The following GYG1 variants were observed in gnomAD, a reference collection of about 807,000 sequenced individuals.
GYG1 encodes the protein glycogenin 1, also known as glycogenin-1.
Under a neutral mutation model 41.9 loss-of-function variants are expected in GYG1, and 44 were observed. The observed-to-expected ratio is 1.05, with a 90% CI of 0.83 to 1.35. GYG1 has a LOEUF of 1.35. Ranked by LOEUF, GYG1 falls within the 40% of genes most tolerant of loss-of-function variation. The probability of loss-of-function intolerance (pLI) is 0.00; values close to 1 mark genes in which losing one functional copy is unlikely to be tolerated. For synonymous variants in GYG1, 141 were observed against 158.1 expected, an observed-to-expected ratio of 0.89 and a Z score of 0.81; for missense variants, 429 against 418.9, an observed-to-expected ratio of 1.02 and a Z score of -0.21.
At chr3:148,993,919 A>G (rs1302097299) in intron 1 of GYG1, among the ~76,000 whole-genome samples, 1 of 152,234 alleles carries the variant, frequency 6.6e-6, no homozygotes, top group South Asian at 2.1e-4. Context: ...TCTATAGCTT[A>G]ATCAACCTGT....
chr3:149,016,882 T>G (rs1159210631), intron 5 of GYG1, among the ~76,000 whole-genome samples: 1 of 152,154 alleles, frequency 6.6e-6, no homozygotes, highest in Non-Finnish European at 1.5e-5. Flanking sequence ...TCTGAGAAGG[T>G]GCATGAGTGA....
chr3:149,009,384 A>G lies in GYG1; in HGVS notation c.590A>G (p.Tyr197Cys), dbSNP rs1216767993. Reference protein sequence around the residue: ...YNLSSISIYSYLPAFKVFGAS... With the variant: ...YNLSSISIYSCLPAFKVFGAS... ...CTAAGCAGCATCTCTATATACTCCT[A>G]CCTCCCGGCATTTAAAGTGTAAGTG... Residue 197 changes from tyrosine (Y) to cysteine (C), a missense_variant, in exon 5 of 8, where the codon TAC becomes TGC. Tyr to Cys is a radical substitution (Grantham distance 194). Transcript: ENST00000345003. 7 of 1,613,394 alleles carry G rather than the reference A, an allele frequency of 4.3e-6. No homozygotes were observed. Among genetic ancestry groups the G allele is most frequent in the Non-Finnish European group, 5.9e-6 (7 of 1,179,438 alleles).
At chr3:149,015,761 G>A (rs1713987298) in intron 5 of GYG1, among the ~76,000 whole-genome samples, 1 of 152,164 alleles carries the variant, frequency 6.6e-6, no homozygotes, top group East Asian at 1.9e-4. Context: ...TAATGGGGTG[G>A]CAGCTGGATG....
chr3:149,015,884 CTG>C (rs971538951), intron 5 of GYG1, among the ~76,000 whole-genome samples: 2 of 152,020 alleles, frequency 1.3e-5, no homozygotes, highest in African/African-American at 4.8e-5. Context: ...ATGCAGAAAA[CTG>C]TGGGGAGATG....
chr3:149,002,132 A>T (rs1713125318), intron 4 of GYG1, among the ~76,000 whole-genome samples: 1 of 152,204 alleles, frequency 6.6e-6, no homozygotes, highest in Non-Finnish European at 1.5e-5. Context: ...ATATTTCTGT[A>T]GTAGGTCCAT....
At position 148,991,626 on chromosome 3, in the gene GYG1, G is replaced by A. The variant is rs780747467; in HGVS notation, c.-15G>A. 5.2e-6 allele frequency: 8 copies of A among 1,552,832 alleles called. No homozygotes were observed. The South Asian group carries it at 9.3e-5, about 18-fold the overall frequency. ...ACCTGAGGCTGCCCCGGCCGCCTGC[G>A]CACCCGGCAGCACCATGACAGGTAC... On this transcript the variant is annotated 5_prime_UTR_variant, in exon 1 of 8. Transcript: ENST00000345003.
chr3:149,023,955 TAAGAA>T (rs1170799184), intron 5 of GYG1, 93 bp from the exon 6 acceptor site: 1 of 842,992 alleles, frequency 1.2e-6, no homozygotes. Flanking sequence ...CACTGTCTCT[TAAGAA>T]AGAAAGCTAT....
At chr3:149,010,906 A>C (rs1183488182) in intron 5 of GYG1, among the ~76,000 whole-genome samples, 1 of 152,084 alleles carries the variant, frequency 6.6e-6, no homozygotes, top group Non-Finnish European at 1.5e-5. Context: ...TCATTATCCA[A>C]AGTCCTCTCC....
At chr3:148,993,940 C>T (rs557808440) in intron 1 of GYG1, among the ~76,000 whole-genome samples, 17 of 152,278 alleles carry the variant, frequency 1.1e-4, no homozygotes, top group African/African-American at 2.9e-4. Context: ...TGAAGGTTGC[C>T]ATATGTGCCT....
intron 7 of GYG1, 77 bp downstream of exon 7, chr3:149,026,579 G>A: frequency 9.3e-7 from 1 of 1,077,524 alleles, no homozygotes; most frequent in Non-Finnish European, 1.4e-6. Flanking sequence ...TCTTCATTTT[G>A]TTAGGAAAAA....
intron 5 of GYG1, among the ~76,000 whole-genome samples, chr3:149,016,573 G>A (rs140503635): frequency 3.3e-5 from 5 of 152,286 alleles, no homozygotes; most frequent in African/African-American, 9.6e-5. Context: ...TGCTGACATT[G>A]TTCTGATTTC....
chr3:148,999,957 T>C lies in GYG1; in HGVS notation c.481+3053T>C, dbSNP rs545496125. Among the ~76,000 whole-genome samples the C allele has an allele frequency of 2.6e-5, 4 of 152,332 alleles. No homozygotes were observed. The South Asian group carries it at 8.3e-4, about 32-fold the overall frequency. ...TCTCGCAGGTCATGTTTTTAACCTC[T>C]TTCCTGTGTTCATCAGAAACTGGTG... On this transcript the variant is annotated intron_variant, in intron 4 of 7. Coordinates refer to ENST00000345003, the MANE Select transcript of GYG1 (RefSeq NM_004130.4).
In GYG1 at chr3:149,029,186, TTAAC is replaced by T. The variant is rs749095528; in HGVS notation, c.*2259_*2262del. ...ATGATCTATGTCTTAAGGTGAAGTA[TTAAC>T]TAACTTTTCCATGTAAAGCTATACA... On this transcript the variant is annotated 3_prime_UTR_variant, in exon 8 of 8. Transcript: ENST00000345003. Among the ~76,000 whole-genome samples the T allele has an allele frequency of 7.2e-5, 11 of 152,244 alleles. No homozygotes were observed. Among genetic ancestry groups the T allele is most frequent in the Non-Finnish European group, 1.2e-4 (8 of 68,050 alleles).
intron 7 of GYG1, 115 bp downstream of exon 7, chr3:149,026,617 T>C: frequency 9.9e-7 from 1 of 1,005,582 alleles, no homozygotes; most frequent in Non-Finnish European, 1.6e-6. Context: ...TTTGTGTCTT[T>C]TTTGTTTGTT....
intron 5 of GYG1, among the ~76,000 whole-genome samples, 167 bp from the exon 6 acceptor site, chr3:149,023,886 G>GT (rs1233139117): frequency 7.4e-6 from 1 of 135,886 alleles, no homozygotes; most frequent in Admixed American, 7.4e-5. Context: ...AGGGTGGGAA[G>GT]TTAGAGGCTG....
chr3:148,994,557 C>T (rs961772177), intron 2 of GYG1, among the ~76,000 whole-genome samples: 9 of 152,172 alleles, frequency 5.9e-5, no homozygotes, highest in African/African-American at 2.2e-4. Context: ...ACTCCATCCC[C>T]TCTGGGTGAT....
chr3:149,022,826 A>G (rs1412114208), intron 5 of GYG1, among the ~76,000 whole-genome samples: 1 of 152,032 alleles, frequency 6.6e-6, no homozygotes, highest in African/African-American at 2.4e-5. Flanking sequence ...AATCATATAT[A>G]TGTAATTGTT....
At position 149,028,953 on chromosome 3, in the gene GYG1, G is replaced by A. The variant is rs1038544000; in HGVS notation, c.*2020G>A. On this transcript the variant is annotated 3_prime_UTR_variant, in exon 8 of 8. Transcript: ENST00000345003. Reference sequence around the variant, plus strand: ...AGGATGGTCTCAATCTCTTGACCTCGTGATCCACCGGCCTTGGCCTCCCAA... The same window carrying A: ...AGGATGGTCTCAATCTCTTGACCTCATGATCCACCGGCCTTGGCCTCCCAA... Among the ~76,000 whole-genome samples the A allele has an allele frequency of 6.6e-6, 1 of 152,138 alleles. No homozygotes were observed.
intron 5 of GYG1, among the ~76,000 whole-genome samples, chr3:149,018,441 A>T (rs1391504517): frequency 6.6e-6 from 1 of 152,136 alleles, no homozygotes; most frequent in African/African-American, 2.4e-5. Flanking sequence ...CCAGGCAGAG[A>T]TCCCTCATAT....
Sources: gnomAD v4.1 joint callset for allele counts (sites outside exome capture counted in the v4.1 genomes callset) on GRCh38, gnomAD v4.1.1 for gene constraint, MANE v1.5 for transcripts, NCBI Gene and HGNC (gene_info 2026-07-23, HGNC 2026-07-21) for gene names.